Variants in PROS1 observed in about 807,000 individuals in gnomAD.
PROS1 encodes vitamin K-dependent protein S.
In PROS1, 29 loss-of-function variants were observed where a neutral mutation model predicts 75.9. The observed-to-expected ratio is 0.38, with a 90% CI of 0.28 to 0.52. The LOEUF (loss-of-function observed/expected upper bound fraction) is 0.52, where lower values mean the gene tolerates loss of function less well. PROS1 is among the 20% of genes least tolerant of loss of function. The probability of loss-of-function intolerance (pLI) is 0.83; values close to 1 mark genes in which losing one functional copy is unlikely to be tolerated. For missense variants in PROS1, 680 were observed against 810.3 expected, an observed-to-expected ratio of 0.84 and a Z score of 1.95; for synonymous variants, 245 against 280.6, an observed-to-expected ratio of 0.87 and a Z score of 1.27.
intron 1 of PROS1, among the ~76,000 whole-genome samples, chr3:93,940,595 A>G (rs1485654245): frequency 1.3e-5 from 2 of 151,998 alleles, no homozygotes; most frequent in Non-Finnish European, 2.9e-5. Flanking sequence ...TAAGCAAATT[A>G]TCTGCTTCCC....
At chr3:93,916,067 C>G (rs1028670232) in intron 3 of PROS1, among the ~76,000 whole-genome samples, 11 of 152,048 alleles carry the variant, frequency 7.2e-5, no homozygotes, top group Admixed American at 2.0e-4. Context: ...TATTAAGGTG[C>G]TAATCATCTG....
chr3:93,928,442 G>A (rs536063824), intron 1 of PROS1, among the ~76,000 whole-genome samples: 1 of 150,506 alleles, frequency 6.6e-6, no homozygotes, highest in Non-Finnish European at 1.5e-5. Context: ...ACTGAGACAC[G>A]AGAATCATTT....
intron 1 of PROS1, among the ~76,000 whole-genome samples, chr3:93,957,177 A>G (rs1412004015): frequency 6.6e-6 from 1 of 152,192 alleles, no homozygotes; most frequent in Non-Finnish European, 1.5e-5. Flanking sequence ...GGTGATATAG[A>G]CTTTAACTTA....
At chr3:93,957,399 C>T (rs142768038) in intron 1 of PROS1, among the ~76,000 whole-genome samples, 7 of 152,248 alleles carry the variant, frequency 4.6e-5, no homozygotes, top group Admixed American at 3.3e-4. Flanking sequence ...AATTAGATTG[C>T]ATTAAACATG....
At chr3:93,894,729 G>A (rs764794075) in intron 9 of PROS1, among the ~76,000 whole-genome samples, 1 of 152,056 alleles carries the variant, frequency 6.6e-6, no homozygotes, top group African/African-American at 2.4e-5. Context: ...AGCAACAGAC[G>A]TCAAGAAATT....
Position 93,941,562 on chromosome 3 carries a change from C to T in PROS1, c.77-14155G>A, listed in dbSNP as rs566012543. Among the ~76,000 whole-genome samples, 3 of 152,288 alleles carry T rather than the reference C, an allele frequency of 2.0e-5. No homozygotes were observed. In the South Asian group the frequency reaches 6.2e-4, roughly 32 times the overall value. The stretch of plus-strand genomic sequence containing the variant: ...GACCCCATAGATCCTAAATCCTTTG[C>T]CCACTCCTCTTTCCGTTCCTTGAAG... On this transcript the variant is annotated intron_variant, in intron 1 of 14. Coordinates refer to ENST00000394236, the MANE Select transcript of PROS1 (RefSeq NM_000313.4).
At chr3:93,914,375 A>G (rs1159434013) in intron 3 of PROS1, among the ~76,000 whole-genome samples, 1 of 152,186 alleles carries the variant, frequency 6.6e-6, no homozygotes, top group South Asian at 2.1e-4. Context: ...TTTACACCAC[A>G]TGAATGCCAC....
In PROS1 at chr3:93,973,790, C is replaced by G; in HGVS notation, c.-41G>C. The G allele has an allele frequency of 5.7e-6, 9 of 1,565,664 alleles. No individual in the cohort carries two copies. The highest frequency in any genetic ancestry group is 5.2e-6 in the Non-Finnish European group (6 of 1,148,032). Reference sequence around the variant, plus strand: ...GGCGCCGGCAGGGACGGTGGCGCGTCGCGGCGGGGACCGGAGCGCTAGGCG... The same window carrying G: ...GGCGCCGGCAGGGACGGTGGCGCGTGGCGGCGGGGACCGGAGCGCTAGGCG... On this transcript the variant is annotated 5_prime_UTR_variant, in exon 1 of 15. Transcript: ENST00000394236.
At chr3:93,965,685 ACTTTT>A (rs971962345) in intron 1 of PROS1, among the ~76,000 whole-genome samples, 5 of 151,942 alleles carry the variant, frequency 3.3e-5, no homozygotes, top group Non-Finnish European at 5.9e-5. Flanking sequence ...ACAACCTGAT[ACTTTT>A]CTTTTCTTTT....
At chr3:93,939,682 G>C (rs1290914975) in intron 1 of PROS1, among the ~76,000 whole-genome samples, 1 of 151,988 alleles carries the variant, frequency 6.6e-6, no homozygotes, top group African/African-American at 2.4e-5. Flanking sequence ...TTAGTGTTTA[G>C]GCTCTTTTTC....
At chr3:93,889,589 G>C (rs1421826862) in intron 10 of PROS1, among the ~76,000 whole-genome samples, 2 of 152,166 alleles carry the variant, frequency 1.3e-5, no homozygotes, top group Non-Finnish European at 2.9e-5. Context: ...CTAAGCTCTA[G>C]AGCAAGGAAA....
In PROS1 at chr3:93,913,589, G is replaced by T. The variant is rs141447655; in HGVS notation, c.260-2884C>A. 2.4e-3 allele frequency among the ~76,000 whole-genome samples: 372 copies of T among 152,236 alleles called. 1 individual carries two copies. Among genetic ancestry groups the T allele is most frequent in the Non-Finnish European group, 3.9e-3 (265 of 68,012 alleles). ...TAGCAACATGAAAATGAACTAATAC[G>T]CTTTCCCTTTGCCTTCCGCCATGAT... On this transcript the variant is annotated intron_variant, in intron 3 of 14. Coordinates refer to ENST00000394236, the MANE Select transcript of PROS1 (RefSeq NM_000313.4).
chr3:93,911,696 G>A (rs1381784800), intron 3 of PROS1, among the ~76,000 whole-genome samples: 1 of 152,166 alleles, frequency 6.6e-6, no homozygotes, highest in Non-Finnish European at 1.5e-5. Flanking sequence ...CTCCACGTGG[G>A]TGTTTCTCTT....
chr3:93,956,048 G>C (rs745760434), intron 1 of PROS1, among the ~76,000 whole-genome samples: 2 of 152,084 alleles, frequency 1.3e-5, no homozygotes, highest in Non-Finnish European at 2.9e-5. Context: ...ATTATAATCA[G>C]AAGAAAGTTT....
intron 13 of PROS1, 101 bp downstream of exon 13, chr3:93,879,058 CTTTA>C: frequency 2.6e-6 from 3 of 1,175,644 alleles, no homozygotes; most frequent in Non-Finnish European, 3.7e-6. Context: ...ACATAAGTTA[CTTTA>C]TTTAATCTTC....
At chr3:93,893,185 C>CT (rs199469493) in intron 9 of PROS1, 63 bp from the exon 10 acceptor site, 2 of 1,404,700 alleles carry the variant, frequency 1.4e-6, no homozygotes, top group Non-Finnish European at 2.0e-6. Flanking sequence ...ATGCATTATT[C>CT]TTTTTTTCTT....
chr3:93,906,589 G>T (rs187729195), intron 4 of PROS1, among the ~76,000 whole-genome samples: 22 of 152,358 alleles, frequency 1.4e-4, no homozygotes, highest in Admixed American at 3.3e-4. Flanking sequence ...AGGGCTGCAC[G>T]TGCCATGGAG....
At chr3:93,928,763 G>T in intron 1 of PROS1, 1 of 1,291,640 alleles carries the variant, frequency 7.7e-7, no homozygotes, top group Non-Finnish European at 1.0e-6. Context: ...TGCATGCACG[G>T]TTGTATATAA....
At chr3:93,909,263 A>AC (rs1339855964) in intron 4 of PROS1, among the ~76,000 whole-genome samples, 2 of 151,736 alleles carry the variant, frequency 1.3e-5, no homozygotes, top group Non-Finnish European at 2.9e-5. Flanking sequence ...CACACCCAAG[A>AC]CCCCATCTCT....
Sources: gnomAD v4.1 joint callset for allele counts (sites outside exome capture counted in the v4.1 genomes callset) on GRCh38, gnomAD v4.1.1 for gene constraint, MANE v1.5 for transcripts, NCBI Gene and HGNC (gene_info 2026-07-23, HGNC 2026-07-21) for gene names.